CHODL: variants seen among roughly 807,000 people sequenced by gnomAD.
The protein encoded by CHODL is chondrolectin, also known as transmembrane protein MT75.
In CHODL, 29 loss-of-function variants were observed where a neutral mutation model predicts 34.5. The ratio of observed to expected loss-of-function variants is 0.84; its 90% CI spans 0.63 to 1.15. The LOEUF (loss-of-function observed/expected upper bound fraction) is 1.15, where lower values mean the gene tolerates loss of function less well. Ranked by LOEUF, CHODL falls within the 50% of genes most tolerant of loss-of-function variation. The pLI is 0.00. For synonymous variants in CHODL, 125 were observed against 116.1 expected, an observed-to-expected ratio of 1.08 and a Z score of -0.49; for missense variants, 332 against 332.5, an observed-to-expected ratio of 1.00 and a Z score of 0.01.
chr21:17,998,690 A>T (rs937197737), intron 1 of CHODL, among the ~76,000 whole-genome samples: 2 of 152,222 alleles, frequency 1.3e-5, no homozygotes, highest in Non-Finnish European at 2.9e-5. Flanking sequence ...CACCCTCTGA[A>T]GCCACAGCCC....
chr21:18,177,193 T>C (rs534065797), intron 2 of CHODL, among the ~76,000 whole-genome samples: 1 of 152,168 alleles, frequency 6.6e-6, no homozygotes, highest in African/African-American at 2.4e-5. Context: ...ATTCAGTATA[T>C]ACTAAGTACC....
In CHODL at chr21:18,266,749, A is replaced by G. The variant is rs1210073478; in HGVS notation, c.*711A>G. 6.5e-6 allele frequency: 1 copy of G among 152,800 alleles called. No individual in the cohort carries two copies. Among genetic ancestry groups the G allele is most frequent in the African/African-American group, 2.4e-5 (1 of 41,472 alleles). 9.5% of individuals were successfully genotyped at this position (152,800 alleles called of 1,614,324 possible). A position where few individuals can be genotyped will look rare whatever the true frequency, so the allele number is the denominator to read the frequency against. ...TTGTCTAATTTCAATTGTGCAAGAC[A>G]TGTGCCTTATAATTATTTTTAGCTT... is the stretch of plus-strand genomic sequence containing the variant. On this transcript the variant is annotated 3_prime_UTR_variant, in exon 6 of 6. Coordinates refer to ENST00000299295, the MANE Select transcript of CHODL (RefSeq NM_024944.3).
At chr21:18,142,106 C>T (rs2072810754) in intron 2 of CHODL, among the ~76,000 whole-genome samples, 1 of 152,104 alleles carries the variant, frequency 6.6e-6, no homozygotes. Context: ...AAATCGAGAT[C>T]ATATTCTTTG....
Position 18,127,672 on chromosome 21 carries a change from G to GTTTTTTTTTTT in CHODL, c.-45+99720_-45+99730dup, listed in dbSNP as rs71318127. ...TTACATAACCAGTTGCGTTGCCATT[G>GTTTTTTTTTTT]TTTTTTTTTTTTTTTTTTTTTTTTT... On this transcript the variant is annotated intron_variant, in intron 2 of 6. Transcript: ENST00000400127. 1.1e-3 allele frequency among the ~76,000 whole-genome samples: 76 copies of GTTTTTTTTTTT among 70,044 alleles called. 8 individuals are homozygous for GTTTTTTTTTTT. The highest frequency in any genetic ancestry group is 1.4e-3 in the African/African-American group (26 of 18,924). 46.0% of individuals were successfully genotyped at this position (70,044 alleles called of 152,430 possible).
At chr21:18,094,767 A>G (rs1463880427) in intron 2 of CHODL, among the ~76,000 whole-genome samples, 1 of 151,198 alleles carries the variant, frequency 6.6e-6, no homozygotes, top group Non-Finnish European at 1.5e-5. Flanking sequence ...AGCTTAAATA[A>G]CCTAATAGCA....
intron 2 of CHODL, among the ~76,000 whole-genome samples, chr21:18,210,791 C>A (rs2073764692): frequency 6.6e-6 from 1 of 152,160 alleles, no homozygotes; most frequent in African/African-American, 2.4e-5. Context: ...TTGCTCTTGA[C>A]CCCTCACAGT....
chr21:17,925,916 C>A (rs1300958553), intron 1 of CHODL, among the ~76,000 whole-genome samples: 1 of 152,076 alleles, frequency 6.6e-6, no homozygotes, highest in African/African-American at 2.4e-5. Flanking sequence ...TATTCTTTTT[C>A]TTTGTTTACT....
chr21:17,945,493 A>C (rs2063399941), intron 1 of CHODL, among the ~76,000 whole-genome samples: 2 of 152,188 alleles, frequency 1.3e-5, no homozygotes, highest in Non-Finnish European at 2.9e-5. Flanking sequence ...TAAACAGCAG[A>C]ATTAATCAGG....
At chr21:18,042,303 C>T (rs1439879541) in intron 2 of CHODL, among the ~76,000 whole-genome samples, 1 of 151,864 alleles carries the variant, frequency 6.6e-6, no homozygotes, top group African/African-American at 2.4e-5. Context: ...TTCTGCAAAC[C>T]TTCTTACAGC....
chr21:18,119,044 T>A (rs2146573656), intron 2 of CHODL, among the ~76,000 whole-genome samples: 1 of 152,228 alleles, frequency 6.6e-6, no homozygotes, highest in East Asian at 1.9e-4. Flanking sequence ...TTTTATTTTT[T>A]AAAAACCACG....
chr21:18,257,064 C>A lies in CHODL; in HGVS notation c.484C>A (p.Leu162Ile), dbSNP rs1235936928. The A allele has an allele frequency of 1.2e-6, 2 of 1,613,926 alleles. No homozygotes were observed. Among genetic ancestry groups the A allele is most frequent in the African/African-American group, 1.3e-5 (1 of 75,018 alleles). Residue 162 changes from leucine to isoleucine, a missense_variant, in exon 3 of 6, where the codon CTT (leucine) becomes ATT (isoleucine). Leu to Ile is a conservative substitution (Grantham distance 5). Transcript: ENST00000299295. ...TANPGLGGPYLYQWNDDRCNM... is the reference protein window; with the variant it reads ...TANPGLGGPYIYQWNDDRCNM... Reference sequence around the variant, plus strand: ...CAATCCTGGCCTTGGGGGTCCCTACCTTTACCAGTGGAATGATGACAGGTG... The same window carrying A: ...CAATCCTGGCCTTGGGGGTCCCTACATTTACCAGTGGAATGATGACAGGTG...
intron 1 of CHODL, among the ~76,000 whole-genome samples, chr21:17,971,009 T>G (rs897935189): frequency 6.6e-6 from 1 of 152,146 alleles, no homozygotes; most frequent in Non-Finnish European, 1.5e-5. Context: ...GTGTGTTAGT[T>G]TGCTGAGAAT....
chr21:18,248,651 A>G (rs1036745992), intron 1 of CHODL, among the ~76,000 whole-genome samples: 29 of 126,982 alleles, frequency 2.3e-4, no homozygotes, highest in Non-Finnish European at 3.9e-4. Flanking sequence ...TGTATATATT[A>G]TATACATATA....
chr21:18,023,837 T>C (rs2064149845), intron 1 of CHODL, among the ~76,000 whole-genome samples: 1 of 152,170 alleles, frequency 6.6e-6, no homozygotes, highest in Admixed American at 6.5e-5. Flanking sequence ...AGTATACATA[T>C]GGCTTTCCTG....
At chr21:18,167,426 C>T (rs1399505659) in intron 2 of CHODL, among the ~76,000 whole-genome samples, 1 of 150,988 alleles carries the variant, frequency 6.6e-6, no homozygotes, top group East Asian at 2.0e-4. Context: ...TCTCCTGCCT[C>T]AGCCTCCAGA....
chr21:18,244,105 C>G (rs973448930), upstream of CHODL, among the ~76,000 whole-genome samples: 3 of 152,190 alleles, frequency 2.0e-5, no homozygotes, highest in Non-Finnish European at 4.4e-5. Context: ...ATGAAAAATG[C>G]AGGTTTTCCA....
intron 2 of CHODL, among the ~76,000 whole-genome samples, chr21:18,085,909 A>G (rs1011383403): frequency 2.6e-5 from 4 of 152,128 alleles, no homozygotes; most frequent in Admixed American, 2.6e-4. Flanking sequence ...CTTGCAAGAC[A>G]TGGGAAGTTT....
At chr21:17,996,670 G>A (rs113043991) in intron 1 of CHODL, among the ~76,000 whole-genome samples, 1 of 152,214 alleles carries the variant, frequency 6.6e-6, no homozygotes, top group Non-Finnish European at 1.5e-5. Context: ...AGGTAGTAGA[G>A]GGGCTAAGTG....
intron 1 of CHODL, among the ~76,000 whole-genome samples, chr21:18,005,573 T>A (rs1434284769): frequency 6.6e-6 from 1 of 152,218 alleles, no homozygotes; most frequent in Non-Finnish European, 1.5e-5. Flanking sequence ...AATATTAGGT[T>A]CAGAAGAGGG....
Sources: allele counts gnomAD v4.1 joint callset (sites outside exome capture counted in the v4.1 genomes callset), GRCh38; gene constraint gnomAD v4.1.1; transcripts MANE v1.5; gene names NCBI Gene and HGNC (gene_info 2026-07-23, HGNC 2026-07-21).